The following MED13L variants were observed in gnomAD, a reference collection of about 807,000 sequenced individuals.
The protein encoded by MED13L is mediator of RNA polymerase II transcription subunit 13-like.
Under a neutral mutation model 220.9 loss-of-function variants are expected in MED13L, and 7 were observed. That is an observed-to-expected ratio of 0.03 (90% CI 0.02 to 0.06). MED13L has a LOEUF of 0.06. Among genes scored for constraint, MED13L ranks in the 10% least tolerant of loss-of-function variants. MED13L has a pLI of 1.00. For synonymous variants in MED13L, 1,011 were observed against 1,015.2 expected (o/e 1.00, Z 0.08); for missense variants, 1,965 against 2,760.5 (o/e 0.71, Z 6.46).
At chr12:116,160,834 C>G (rs1457409577) in intron 2 of MED13L, among the ~76,000 whole-genome samples, 2 of 151,386 alleles carry the variant, frequency 1.3e-5, no homozygotes, top group African/African-American at 4.9e-5. Context: ...TCCCAATGTG[C>G]TGAGATTATA....
Position 115,975,151 on chromosome 12 carries a change from C to A in MED13L, c.5731+20G>T. 6.2e-7 allele frequency: 1 copy of A among 1,613,754 alleles called. No homozygotes were observed. Among genetic ancestry groups the A allele is most frequent in the Non-Finnish European group, 8.5e-7 (1 of 1,179,750 alleles). On this transcript the variant is annotated intron_variant, in intron 25 of 30. Transcript: ENST00000281928. Reference sequence around the variant, plus strand: ...CCTTTTCCTCTGTCTTCTGCAAATACTTCTTCAAAAATTTCTCACCTTTAA... The same window carrying A: ...CCTTTTCCTCTGTCTTCTGCAAATAATTCTTCAAAAATTTCTCACCTTTAA...
intron 4 of MED13L, among the ~76,000 whole-genome samples, chr12:116,040,216 A>G (rs1297264804): frequency 1.3e-5 from 2 of 152,204 alleles, no homozygotes; most frequent in African/African-American, 4.8e-5. Context: ...CACACTTCCA[A>G]CGGCAGTTTA....
chr12:116,261,097 C>T (rs1001454855), intron 1 of MED13L, among the ~76,000 whole-genome samples: 1 of 152,152 alleles, frequency 6.6e-6, no homozygotes, highest in Non-Finnish European at 1.5e-5. Flanking sequence ...CCACGACCTG[C>T]CAAAGGCCCC....
chr12:116,124,680 C>T (rs1264628677), intron 2 of MED13L, among the ~76,000 whole-genome samples: 1 of 152,130 alleles, frequency 6.6e-6, no homozygotes, highest in Non-Finnish European at 1.5e-5. Context: ...ACTTAACGCC[C>T]ATCAATCCCT....
intron 1 of MED13L, among the ~76,000 whole-genome samples, chr12:116,243,239 A>C (rs1161572896): frequency 2.0e-5 from 3 of 152,304 alleles, no homozygotes; most frequent in South Asian, 2.1e-4. Context: ...CATGTGGTAT[A>C]GGGGTAGTCA....
intron 2 of MED13L, among the ~76,000 whole-genome samples, chr12:116,135,143 T>C (rs1318045448): frequency 6.6e-6 from 1 of 152,190 alleles, no homozygotes; most frequent in Non-Finnish European, 1.5e-5. Flanking sequence ...TACTCCAGCC[T>C]AGGCAACAGA....
chr12:116,186,750 C>T (rs923635296), intron 2 of MED13L, among the ~76,000 whole-genome samples: 3 of 152,138 alleles, frequency 2.0e-5, no homozygotes, highest in African/African-American at 7.2e-5. Context: ...AGGTCAAAAC[C>T]TAAAACACAA....
At chr12:116,022,047 C>G (rs1342331068) in intron 5 of MED13L, among the ~76,000 whole-genome samples, 2 of 152,146 alleles carry the variant, frequency 1.3e-5, no homozygotes, top group Non-Finnish European at 2.9e-5. Flanking sequence ...ATTTCAAATA[C>G]TAAGTATTTG....
At chr12:116,080,852 G>C (rs756030795) in intron 4 of MED13L, among the ~76,000 whole-genome samples, 1 of 152,178 alleles carries the variant, frequency 6.6e-6, no homozygotes, top group Non-Finnish European at 1.5e-5. Context: ...TGTTGAAACA[G>C]TTACTAAGTT....
chr12:116,080,056 G>A (rs1871121649), intron 4 of MED13L, among the ~76,000 whole-genome samples: 1 of 149,826 alleles, frequency 6.7e-6, no homozygotes, highest in Admixed American at 6.6e-5. Flanking sequence ...GCTACCATTA[G>A]TGCTAGTATA....
intron 4 of MED13L, among the ~76,000 whole-genome samples, chr12:116,079,569 G>T (rs1367763094): frequency 6.6e-6 from 1 of 151,808 alleles, no homozygotes; most frequent in Non-Finnish European, 1.5e-5. Context: ...TTGCGACAGG[G>T]TCTCTGTCAC....
At chr12:116,276,389 A>G (rs12422894) in intron 1 of MED13L, 31,537 of 1,264,530 alleles carry the variant, frequency 0.025, 462 homozygotes, top group Non-Finnish European at 0.029. Context: ...ACAGTTTTTA[A>G]AAGACACAGG....
intron 2 of MED13L, among the ~76,000 whole-genome samples, chr12:116,185,211 C>T (rs1365126425): frequency 6.6e-6 from 1 of 152,112 alleles, no homozygotes; most frequent in Non-Finnish European, 1.5e-5. Flanking sequence ...TACTCACCTA[C>T]AAAGTGGTCA....
intron 2 of MED13L, among the ~76,000 whole-genome samples, chr12:116,223,860 C>A (rs763306753): frequency 1.3e-5 from 2 of 152,146 alleles, no homozygotes; most frequent in Non-Finnish European, 2.9e-5. Flanking sequence ...AACATCATGT[C>A]ATCATGTTTT....
At chr12:116,031,575 G>A (rs1680761866) in intron 4 of MED13L, among the ~76,000 whole-genome samples, 1 of 127,488 alleles carries the variant, frequency 7.8e-6, no homozygotes, top group Admixed American at 9.0e-5. Flanking sequence ...CTGGGCAACA[G>A]AGCGAGACTC....
intron 3 of MED13L, among the ~76,000 whole-genome samples, chr12:116,105,754 G>T (rs1054695092): frequency 6.6e-6 from 1 of 152,166 alleles, no homozygotes; most frequent in African/African-American, 2.4e-5. Context: ...TTTCCCAAAG[G>T]TATACTATCC....
chr12:116,119,828 AAAAAAAAAAAATAT>A (rs1874855624), intron 2 of MED13L, among the ~76,000 whole-genome samples: 1 of 119,434 alleles, frequency 8.4e-6, no homozygotes, highest in Non-Finnish European at 1.7e-5. Context: ...AAAAAAAAAA[AAAAAAAAAAAATAT>A]ATATATATAT....
At chr12:116,126,923 A>G (rs1215705283) in intron 2 of MED13L, among the ~76,000 whole-genome samples, 1 of 152,224 alleles carries the variant, frequency 6.6e-6, no homozygotes, top group Non-Finnish European at 1.5e-5. Context: ...CAAGCATTAC[A>G]GACTAAATCA....
intron 14 of MED13L, among the ~76,000 whole-genome samples, chr12:115,998,152 C>G (rs577734489): frequency 6.6e-6 from 1 of 152,228 alleles, no homozygotes; most frequent in East Asian, 1.9e-4. Flanking sequence ...CTTTAATACA[C>G]CTGTAGTAAA....
Sources: gnomAD v4.1 joint callset for allele counts (sites outside exome capture counted in the v4.1 genomes callset) on GRCh38, gnomAD v4.1.1 for gene constraint, MANE v1.5 for transcripts, NCBI Gene and HGNC (gene_info 2026-07-23, HGNC 2026-07-21) for gene names.